The following SH3D19 variants were observed in gnomAD, a reference collection of about 807,000 sequenced individuals.
SH3D19 encodes SH3 domain containing 19, also known as SH3 domain-containing protein 19.
Under a neutral mutation model 112.1 loss-of-function variants are expected in SH3D19, and 58 were observed. The ratio of observed to expected loss-of-function variants is 0.52; its 90% confidence interval spans 0.42 to 0.64. The LOEUF (loss-of-function observed/expected upper bound fraction) is 0.64, where lower values mean the gene tolerates loss of function less well. SH3D19 is among the 30% of genes least tolerant of loss of function. The pLI is 0.00. For synonymous variants in SH3D19, 391 were observed against 448.5 expected, an observed-to-expected ratio of 0.87 and a Z score of 1.62; for missense variants, 1,090 against 1,263.4, an observed-to-expected ratio of 0.86 and a Z score of 2.08.
chr4:151,312,843 G>A (rs1729592212), intron 1 of SH3D19, among the ~76,000 whole-genome samples: 1 of 151,466 alleles, frequency 6.6e-6, no homozygotes, highest in Admixed American at 6.6e-5. Context: ...GAAGGTTGCA[G>A]TGAGCCAAGA....
intron 2 of SH3D19, among the ~76,000 whole-genome samples, chr4:151,219,051 A>G (rs1767606441): frequency 1.3e-5 from 2 of 152,332 alleles, no homozygotes; most frequent in South Asian, 4.1e-4. Context: ...CTCACATACT[A>G]CATATCCTTA....
chr4:151,280,242 A>G (rs942635255), intron 1 of SH3D19, among the ~76,000 whole-genome samples: 11 of 152,186 alleles, frequency 7.2e-5, no homozygotes, highest in Non-Finnish European at 1.2e-4. Flanking sequence ...TCATAAACAC[A>G]ATCTGAGCTC....
intron 1 of SH3D19, among the ~76,000 whole-genome samples, chr4:151,253,399 G>A (rs1771557738): frequency 6.6e-6 from 1 of 152,132 alleles, no homozygotes; most frequent in African/African-American, 2.4e-5. Context: ...CTATTTAAAA[G>A]TTATGCCCCA....
intron 1 of SH3D19, among the ~76,000 whole-genome samples, chr4:151,237,212 C>T (rs906839819): frequency 3.3e-5 from 5 of 152,168 alleles, no homozygotes; most frequent in South Asian, 2.1e-4. Flanking sequence ...TAACACTCAC[C>T]GCGAGGGTCT....
chr4:151,257,313 C>G (rs1772006443), intron 1 of SH3D19, among the ~76,000 whole-genome samples: 1 of 152,156 alleles, frequency 6.6e-6, no homozygotes, highest in Non-Finnish European at 1.5e-5. Flanking sequence ...GTCTCGAACT[C>G]CTGACCTCAG....
chr4:151,197,857 G>C (rs1476127491), intron 2 of SH3D19, among the ~76,000 whole-genome samples: 2 of 152,092 alleles, frequency 1.3e-5, no homozygotes, highest in Non-Finnish European at 2.9e-5. Flanking sequence ...TAAAAACCTA[G>C]AAATTAGGTC....
intron 1 of SH3D19, among the ~76,000 whole-genome samples, chr4:151,301,935 C>T (rs930512944): frequency 6.6e-6 from 1 of 152,156 alleles, no homozygotes; most frequent in Admixed American, 6.6e-5. Context: ...AAGAATAACA[C>T]ACAAAGAGGT....
At chr4:151,293,801 G>A (rs1317334034) in intron 1 of SH3D19, among the ~76,000 whole-genome samples, 1 of 152,170 alleles carries the variant, frequency 6.6e-6, no homozygotes, top group Non-Finnish European at 1.5e-5. Context: ...ACCCCAGCCT[G>A]TCTCTTCAGC....
intron 1 of SH3D19, among the ~76,000 whole-genome samples, chr4:151,258,788 T>C (rs1772142119): frequency 1.3e-5 from 2 of 152,100 alleles, no homozygotes; most frequent in African/African-American, 4.8e-5. Context: ...TAGGAGGAGA[T>C]GGTTCTGCTC....
At chr4:151,157,751 C>T (rs556865797) in intron 9 of SH3D19, among the ~76,000 whole-genome samples, 4 of 152,234 alleles carry the variant, frequency 2.6e-5, no homozygotes, top group South Asian at 2.1e-4. Flanking sequence ...GAATACTATA[C>T]AGCCATAAAA....
chr4:151,139,653 G>C lies in SH3D19; in HGVS notation c.2296+122C>G, dbSNP rs72723718. ...AGTCCTGGATAAGATGACCTCTCCA[G>C]TCTCGGACTCTATAGGCACAGAAAA... On this transcript the variant is annotated intron_variant, in intron 13 of 19. Coordinates refer to ENST00000604030, the MANE Select transcript of SH3D19 (RefSeq NM_001378122.1). 2,390 of 783,300 alleles carry C rather than the reference G, an allele frequency of 3.1e-3. 3 individuals carry two copies. Among genetic ancestry groups the C allele is most frequent in the Non-Finnish European group, 3.6e-3 (1,718 of 480,406 alleles). The allele number at this position is 783,300 out of a possible 1,614,324, so 48.5% of individuals were successfully genotyped here. A position where few individuals can be genotyped will look rare whatever the true frequency, so the allele number is the denominator to read the frequency against.
chr4:151,123,164 T>C (rs1430417922), intron 19 of SH3D19, among the ~76,000 whole-genome samples: 1 of 152,220 alleles, frequency 6.6e-6, no homozygotes, highest in Non-Finnish European at 1.5e-5. Flanking sequence ...TATATTTTTA[T>C]AGATTTCCTT....
chr4:151,135,083 T>C lies in SH3D19; in HGVS notation c.2477A>G (p.His826Arg), dbSNP rs1430601676. The part of the protein sequence containing the change: ...GNGKRECVSS[H>R]CVKGSRCVAR... ...CACAAATAAAACTTACTTAACACAA[T>C]GAGATGAAACACATTCTCTTTTCCC... Residue 826 changes from histidine (H) to arginine (R), a missense_variant, in exon 15 of 20, where the codon CAT (histidine) becomes CGT (arginine). Transcript: ENST00000604030. 6.2e-7 allele frequency: 1 copy of C among 1,602,792 alleles called. No homozygotes were observed. The highest frequency in any genetic ancestry group is 8.5e-7 in the Non-Finnish European group (1 of 1,173,714).
intron 1 of SH3D19, among the ~76,000 whole-genome samples, chr4:151,287,935 G>A (rs1261220474): frequency 6.6e-6 from 1 of 152,026 alleles, no homozygotes; most frequent in African/African-American, 2.4e-5. Flanking sequence ...AAACAACTGG[G>A]ATTTATCCCA....
chr4:151,173,754 G>A lies in SH3D19; in HGVS notation c.1534+916C>T, dbSNP rs187620342. ...CACCTGTGCTATGCAGAATGTGGCT[G>A]TGAAATCACAGAGCCTGTACTATTT... On this transcript the variant is annotated intron_variant, in intron 7 of 19. Transcript: ENST00000604030. Among the ~76,000 whole-genome samples, 3 of 152,098 alleles carry A rather than the reference G, an allele frequency of 2.0e-5. No homozygotes were observed. The East Asian group carries it at 5.8e-4, about 29-fold the overall frequency.
chr4:151,138,944 C>T (rs1752443784), intron 13 of SH3D19, among the ~76,000 whole-genome samples: 1 of 152,114 alleles, frequency 6.6e-6, no homozygotes, highest in Non-Finnish European at 1.5e-5. Flanking sequence ...TCTCCTGACT[C>T]AGCCTCCCAA....
chr4:151,324,892 G>A (rs1038040794), intron 1 of SH3D19, among the ~76,000 whole-genome samples: 6 of 152,042 alleles, frequency 3.9e-5, no homozygotes, highest in Non-Finnish European at 8.8e-5. Flanking sequence ...CCCTCGGAAG[G>A]TGTCGTTGTC....
chr4:151,295,062 T>C (rs1052755398), intron 1 of SH3D19, among the ~76,000 whole-genome samples: 1 of 151,366 alleles, frequency 6.6e-6, no homozygotes, highest in Non-Finnish European at 1.5e-5. Flanking sequence ...TGAGCAAAGG[T>C]GGAAAGGTGT....
Position 151,154,299 on chromosome 4 carries a change from AT to A in SH3D19, c.1756-4739del, listed in dbSNP as rs1368392190. On this transcript the variant is annotated intron_variant, in intron 9 of 19. Coordinates refer to ENST00000604030, the MANE Select transcript of SH3D19 (RefSeq NM_001378122.1). ...AGGCATGCACCACCACACCCAGCTA[AT>A]TTTTTGGATTTTTAGTAGAGATGGG... Among the ~76,000 whole-genome samples the A allele has an allele frequency of 4.2e-3, 628 of 148,540 alleles. 1 individual carries two copies. The highest frequency in any genetic ancestry group is 0.015 in the African/African-American group (586 of 38,318).
Sources: gnomAD v4.1 joint callset for allele counts (sites outside exome capture counted in the v4.1 genomes callset) on GRCh38, gnomAD v4.1.1 for gene constraint, MANE v1.5 for transcripts, NCBI Gene and HGNC (gene_info 2026-07-23, HGNC 2026-07-21) for gene names.